MARCHF6: variants seen among roughly 807,000 people sequenced by gnomAD.
MARCHF6 encodes membrane associated ring-CH-type finger 6, also known as E3 ubiquitin-protein ligase MARCHF6.
A neutral mutation model predicts 133.7 loss-of-function variants in MARCHF6; 31 were observed. The ratio of observed to expected loss-of-function variants is 0.23; its 90% CI spans 0.17 to 0.31. MARCHF6 has a LOEUF of 0.31. Ranked by LOEUF, MARCHF6 falls within the 10% of genes least tolerant of loss-of-function variation. The pLI is 1.00. For missense variants in MARCHF6, 723 were observed against 1,121.6 expected, an observed-to-expected ratio of 0.64 and a Z score of 5.08; for synonymous variants, 395 against 402.5, an observed-to-expected ratio of 0.98 and a Z score of 0.22.
intron 6 of MARCHF6, among the ~76,000 whole-genome samples, chr5:10,390,718 G>C (rs1737775093): frequency 6.6e-6 from 1 of 152,176 alleles, no homozygotes. Context: ...GTTAGAGTGG[G>C]AACAGCGTTG....
rs774440964 is a variant in MARCHF6, at chr5:10,433,665, C to T, written c.2714C>T (p.Pro905Leu). ...AAACAAGGCTCATCTCCACCACCTC[C>T]ACAGTCATCCCAAGAATAAAGTAGT... ...SGKQGSSPPP[P>L]QSSQE Residue 905 changes from proline to leucine, a missense_variant, in exon 26 of 26, where the codon CCA becomes CTA. Pro to Leu is a moderately conservative substitution (Grantham distance 98). Transcript: ENST00000274140. The T allele has an allele frequency of 6.2e-6, 10 of 1,614,186 alleles. No homozygotes were observed. The highest frequency in any genetic ancestry group is 8.5e-6 in the Non-Finnish European group (10 of 1,179,994).
chr5:10,433,499 C>A (rs1010490876), intron 25 of MARCHF6, 95 bp from the exon 26 acceptor site: 1 of 913,722 alleles, frequency 1.1e-6, no homozygotes, highest in Non-Finnish European at 1.8e-6. Context: ...CAACCATTGA[C>A]GAGTTTTAAG....
chr5:10,417,514 G>A, intron 22 of MARCHF6, 110 bp downstream of exon 22: 2 of 1,412,016 alleles, frequency 1.4e-6, no homozygotes, highest in East Asian at 2.3e-5. Flanking sequence ...GGGAGGCTGA[G>A]GTGGGAGGAC....
At chr5:10,400,564 T>C (rs930604025) in intron 10 of MARCHF6, among the ~76,000 whole-genome samples, 2 of 152,194 alleles carry the variant, frequency 1.3e-5, no homozygotes, top group Admixed American at 6.5e-5. Flanking sequence ...TTGGCCTGTT[T>C]TCACAATGGT....
At chr5:10,409,237 T>A (rs1235063867) in intron 17 of MARCHF6, among the ~76,000 whole-genome samples, 2 of 152,246 alleles carry the variant, frequency 1.3e-5, no homozygotes, top group Non-Finnish European at 2.9e-5. Context: ...TGGAAAATAC[T>A]TATATCCTGA....
intron 1 of MARCHF6, among the ~76,000 whole-genome samples, chr5:10,377,001 C>T (rs1319100293): frequency 2.0e-5 from 3 of 152,172 alleles, no homozygotes; most frequent in Admixed American, 6.5e-5. Context: ...AAGTTATAAC[C>T]AGGGTTCCCT....
rs532736179 is a variant in MARCHF6, at chr5:10,411,954, C to T, written c.1896+417C>T. ...GTTAAGAATGTGCCTATTACATGTT[C>T]GTTAGCAAGTGATCAATCTTTGTGC... On this transcript the variant is annotated intron_variant, in intron 19 of 25. Transcript: ENST00000274140. Among the ~76,000 whole-genome samples the T allele has an allele frequency of 3.9e-5, 6 of 152,256 alleles. No homozygotes were observed. The East Asian group carries it at 5.8e-4, about 15-fold the overall frequency.
chr5:10,405,430 A>G (rs1447230126), intron 15 of MARCHF6, 128 bp from the exon 16 acceptor site: 1 of 690,780 alleles, frequency 1.4e-6, no homozygotes, highest in East Asian at 3.1e-5. Flanking sequence ...AATACCATGT[A>G]CATTTTCTGG....
In MARCHF6 at chr5:10,426,379, T is replaced by C; in HGVS notation, c.2374-11T>C. On this transcript the variant is annotated splice_polypyrimidine_tract_variant and intron_variant, in intron 23 of 25. Transcript: ENST00000274140. ...GTATCTTTGTTCTAATTGCTTTTTG[T>C]AATGTTTCAGGTTTACGCAAATGGC... The C allele has an allele frequency of 6.2e-7, 1 of 1,611,678 alleles. No homozygotes were observed. Among genetic ancestry groups the C allele is most frequent in the South Asian group, 1.1e-5 (1 of 90,552 alleles).
intron 18 of MARCHF6, among the ~76,000 whole-genome samples, chr5:10,410,807 G>A (rs559383247): frequency 3.3e-5 from 5 of 152,174 alleles, no homozygotes; most frequent in South Asian, 2.1e-4. Flanking sequence ...AACATCTGTC[G>A]TCCTCTAACT....
chr5:10,410,575 C>T (rs1038272275), intron 18 of MARCHF6, among the ~76,000 whole-genome samples: 4 of 150,958 alleles, frequency 2.6e-5, no homozygotes, highest in African/African-American at 9.8e-5. Context: ...ACCAGTTTAC[C>T]TTTATTTAGA....
chr5:10,415,251 G>T (rs578114398), intron 20 of MARCHF6, among the ~76,000 whole-genome samples: 1 of 152,298 alleles, frequency 6.6e-6, no homozygotes, highest in African/African-American at 2.4e-5. Flanking sequence ...TGACAAATCA[G>T]AGTGTATGTC....
intron 1 of MARCHF6, among the ~76,000 whole-genome samples, chr5:10,362,967 A>G (rs1340722226): frequency 6.6e-6 from 1 of 152,200 alleles, no homozygotes; most frequent in Non-Finnish European, 1.5e-5. Context: ...AACAAATGGC[A>G]CTGGAATAGT....
intron 22 of MARCHF6, among the ~76,000 whole-genome samples, chr5:10,421,388 G>A (rs1014057421): frequency 6.6e-6 from 1 of 152,254 alleles, no homozygotes; most frequent in Non-Finnish European, 1.5e-5. Context: ...GTGTTTCTGA[G>A]TTGGGGGAAA....
rs910969557 is a variant in MARCHF6 at position 10,436,305 on chromosome 5, A to G, written c.*2621A>G. ...TTAAGAATTCTCCCCTAGTTTTTCA[A>G]TTGTACTTTATCGTGTTGTTTTCAA... On this transcript the variant is annotated 3_prime_UTR_variant, in exon 26 of 26. Transcript: ENST00000274140. 11 of 152,108 alleles carry G rather than the reference A, an allele frequency of 7.2e-5. No individual in the cohort carries two copies. The highest frequency in any genetic ancestry group is 2.2e-4 in the African/African-American group (9 of 41,440). The allele number at this position is 152,108 out of a possible 1,614,324, so 9.4% of individuals were successfully genotyped here. A position where few individuals can be genotyped will look rare whatever the true frequency, so the allele number is the denominator to read the frequency against.
At chr5:10,416,806 G>A (rs1376242643) in intron 21 of MARCHF6, among the ~76,000 whole-genome samples, 3 of 152,144 alleles carry the variant, frequency 2.0e-5, no homozygotes, top group Non-Finnish European at 2.9e-5. Context: ...GTGGCTAAAT[G>A]GCTACCATAT....
chr5:10,401,948 T>C, intron 11 of MARCHF6, 111 bp from the exon 12 acceptor site: 3 of 693,460 alleles, frequency 4.3e-6, no homozygotes, highest in Non-Finnish European at 7.6e-6. Flanking sequence ...TTCCTGGTTA[T>C]AAATTGTCTC....
chr5:10,418,098 G>C (rs1054881402), intron 22 of MARCHF6, among the ~76,000 whole-genome samples: 45 of 152,232 alleles, frequency 3.0e-4, no homozygotes, highest in African/African-American at 1.0e-3. Context: ...GAGTATCCTG[G>C]CTGGGTGCAG....
At chr5:10,355,188 T>C (rs1735372863) in intron 1 of MARCHF6, among the ~76,000 whole-genome samples, 1 of 152,244 alleles carries the variant, frequency 6.6e-6, no homozygotes, top group East Asian at 1.9e-4. Context: ...ACAGTGTGTT[T>C]ATTATATACA....
Sources: allele counts gnomAD v4.1 joint callset (sites outside exome capture counted in the v4.1 genomes callset), GRCh38; gene constraint gnomAD v4.1.1; transcripts MANE v1.5; gene names NCBI Gene and HGNC (gene_info 2026-07-23, HGNC 2026-07-21).